ADGRG3: variants seen among roughly 807,000 people sequenced by gnomAD.
The protein encoded by ADGRG3 is adhesion G protein-coupled receptor G3.
ADGRG3 carries 39 observed loss-of-function variants against 54.3 expected under a neutral mutation model. That is an observed-to-expected ratio of 0.72 (90% confidence interval 0.56 to 0.94). The LOEUF (loss-of-function observed/expected upper bound fraction) is 0.94. ADGRG3 is among the 40% of genes least tolerant of loss of function. ADGRG3 has a pLI of 0.00. For synonymous variants in ADGRG3, 312 were observed against 290.0 expected (o/e 1.08, Z -0.77); for missense variants, 654 against 694.6 (o/e 0.94, Z 0.66).
chr16:57,687,118 G>A (rs2048486978), intron 11 of ADGRG3, among the ~76,000 whole-genome samples: 1 of 152,216 alleles, frequency 6.6e-6, no homozygotes, highest in Non-Finnish European at 1.5e-5. Flanking sequence ...CATGAGAGAT[G>A]TGTGGCTTAG....
intron 1 of ADGRG3, among the ~76,000 whole-genome samples, chr16:57,670,784 A>T (rs1252977456): frequency 6.6e-6 from 1 of 152,036 alleles, no homozygotes; most frequent in African/African-American, 2.4e-5. Flanking sequence ...CCCTGCTGTT[A>T]CTCTTTATTC....
In ADGRG3 at chr16:57,680,500, C is replaced by T; in HGVS notation, c.769-5C>T. 6.2e-7 allele frequency: 1 copy of T among 1,608,596 alleles called. No homozygotes were observed. Among genetic ancestry groups the T allele is most frequent in the Non-Finnish European group, 8.5e-7 (1 of 1,175,026 alleles). On this transcript the variant is annotated splice_polypyrimidine_tract_variant and splice_region_variant and intron_variant, in intron 7 of 11. Coordinates refer to ENST00000333493, the MANE Select transcript of ADGRG3 (RefSeq NM_170776.5). ...ACGTGGTCCCGGTTCTGGGGTCACCCACAGAGACCCACCTTGGACCAGTCC... is the reference window on the plus strand; with the variant it reads ...ACGTGGTCCCGGTTCTGGGGTCACCTACAGAGACCCACCTTGGACCAGTCC...
At chr16:57,687,382 G>T (rs1054528853) in intron 11 of ADGRG3, among the ~76,000 whole-genome samples, 1 of 152,146 alleles carries the variant, frequency 6.6e-6, no homozygotes, top group Admixed American at 6.5e-5. Context: ...CTCCTGAGTA[G>T]CTGGAACTAC....
chr16:57,669,837 G>C (rs1212122510), intron 1 of ADGRG3, among the ~76,000 whole-genome samples: 1 of 152,186 alleles, frequency 6.6e-6, no homozygotes, highest in Admixed American at 6.5e-5. Context: ...AGACCCAGCT[G>C]TTAGGGCTGA....
chr16:57,672,067 C>G (rs1162254545), intron 1 of ADGRG3, among the ~76,000 whole-genome samples: 1 of 151,956 alleles, frequency 6.6e-6, no homozygotes, highest in East Asian at 1.9e-4. Flanking sequence ...GTAGTCCCAG[C>G]TACTTGGGAG....
upstream of ADGRG3, among the ~76,000 whole-genome samples, chr16:57,667,515 G>C (rs2148688484): frequency 6.6e-6 from 1 of 152,370 alleles, no homozygotes; most frequent in South Asian, 2.1e-4. Flanking sequence ...CTGATGATCA[G>C]AAATGATGTA....
intron 11 of ADGRG3, 150 bp downstream of exon 11, chr16:57,686,076 T>C: frequency 6.3e-6 from 5 of 798,672 alleles, no homozygotes; most frequent in Non-Finnish European, 1.0e-5. Flanking sequence ...AGAGCAAGGA[T>C]CCAGGGCAGC....
chr16:57,684,926 T>G (rs2048446108), intron 10 of ADGRG3, among the ~76,000 whole-genome samples: 1 of 152,246 alleles, frequency 6.6e-6, no homozygotes, highest in South Asian at 2.1e-4. Context: ...GCCCTGGGTC[T>G]AGTCTGGGCT....
intron 1 of ADGRG3, among the ~76,000 whole-genome samples, chr16:57,671,068 C>CA (rs761267670): frequency 2.6e-5 from 4 of 151,782 alleles, no homozygotes; most frequent in Admixed American, 6.5e-5. Context: ...AAGGATACAA[C>CA]AAAGCACTTC....
At chr16:57,680,655 G>GC in intron 8 of ADGRG3, 38 bp downstream of exon 8, 1 of 1,392,942 alleles carries the variant, frequency 7.2e-7, no homozygotes. Flanking sequence ...TCTCCCTCCC[G>GC]CCCTCAAGGG....
intron 3 of ADGRG3, among the ~76,000 whole-genome samples, chr16:57,677,535 T>C (rs999783658): frequency 6.6e-6 from 1 of 152,146 alleles, no homozygotes; most frequent in Non-Finnish European, 1.5e-5. Flanking sequence ...TGAGCTGAGA[T>C]AGCGCCATTG....
intron 11 of ADGRG3, among the ~76,000 whole-genome samples, chr16:57,686,460 T>C (rs1483770089): frequency 1.3e-5 from 2 of 152,104 alleles, no homozygotes; most frequent in African/African-American, 4.8e-5. Context: ...ACCTCCAACA[T>C]TGGGAATCAC....
intron 5 of ADGRG3, among the ~76,000 whole-genome samples, 191 bp from the exon 6 acceptor site, chr16:57,679,625 C>T (rs1289096289): frequency 1.3e-5 from 2 of 152,142 alleles, no homozygotes; most frequent in African/African-American, 4.8e-5. Context: ...CAGTCGCACG[C>T]TTCACACGCC....
chr16:57,665,892 G>C (rs757210133), upstream of ADGRG3, among the ~76,000 whole-genome samples: 12 of 152,330 alleles, frequency 7.9e-5, no homozygotes, highest in Non-Finnish European at 1.2e-4. Flanking sequence ...TGAGGGGCGT[G>C]AATGTGGGAT....
At chr16:57,686,000 G>A in intron 11 of ADGRG3, 74 bp downstream of exon 11, 2 of 1,489,514 alleles carry the variant, frequency 1.3e-6, no homozygotes, top group Non-Finnish European at 1.8e-6. Context: ...GGGGAAGAGG[G>A]TGGTTTGCAA....
At chr16:57,667,208 T>C (rs1030985662), upstream of ADGRG3, among the ~76,000 whole-genome samples, 2 of 152,082 alleles carry the variant, frequency 1.3e-5, no homozygotes, top group South Asian at 2.1e-4. Flanking sequence ...GAGGAGGAAA[T>C]GGAGGCCAGC....
At chr16:57,686,974 A>C (rs2048484742) in intron 11 of ADGRG3, among the ~76,000 whole-genome samples, 1 of 152,232 alleles carries the variant, frequency 6.6e-6, no homozygotes, top group Non-Finnish European at 1.5e-5. Flanking sequence ...GAGAGGCATC[A>C]CAGTCTGACT....
At chr16:57,676,880 G>C (rs2048273914) in intron 3 of ADGRG3, among the ~76,000 whole-genome samples, 1 of 152,034 alleles carries the variant, frequency 6.6e-6, no homozygotes, top group Admixed American at 6.5e-5. Flanking sequence ...TGAATGAGAG[G>C]AGCAAATGAG....
intron 1 of ADGRG3, among the ~76,000 whole-genome samples, chr16:57,670,618 A>C (rs1326755190): frequency 1.3e-5 from 2 of 151,996 alleles, no homozygotes; most frequent in Non-Finnish European, 2.9e-5. Flanking sequence ...TACTATATTC[A>C]TGCTCATCTA....
Sources: allele counts gnomAD v4.1 joint callset (sites outside exome capture counted in the v4.1 genomes callset), GRCh38; gene constraint gnomAD v4.1.1; transcripts MANE v1.5; gene names NCBI Gene and HGNC (gene_info 2026-07-23, HGNC 2026-07-21).